Variants in GPC5 observed in about 807,000 individuals in gnomAD.
GPC5 encodes glypican-5.
Under a neutral mutation model 53.9 loss-of-function variants are expected in GPC5, and 47 were observed. The ratio of observed to expected loss-of-function variants is 0.87; its 90% CI spans 0.69 to 1.11. The LOEUF is 1.11. Among genes scored for constraint, GPC5 ranks in the 50% most tolerant of loss-of-function variants. The pLI is 0.00. For missense variants in GPC5, 748 were observed against 713.1 expected, an observed-to-expected ratio of 1.05 and a Z score of -0.56; for synonymous variants, 286 against 263.3, an observed-to-expected ratio of 1.09 and a Z score of -0.84.
At chr13:92,377,862 C>T (rs1182461494) in intron 7 of GPC5, among the ~76,000 whole-genome samples, 1 of 152,058 alleles carries the variant, frequency 6.6e-6, no homozygotes, top group Non-Finnish European at 1.5e-5. Context: ...CATATATTCA[C>T]ATGTATATGT....
At chr13:92,350,669 A>C (rs2043469273) in intron 7 of GPC5, among the ~76,000 whole-genome samples, 1 of 152,186 alleles carries the variant, frequency 6.6e-6, no homozygotes, top group Non-Finnish European at 1.5e-5. Flanking sequence ...AATTGCTAAG[A>C]GTCAATTTCG....
At chr13:91,789,432 A>G (rs912686558) in intron 5 of GPC5, among the ~76,000 whole-genome samples, 1 of 152,310 alleles carries the variant, frequency 6.6e-6, no homozygotes, top group Non-Finnish European at 1.5e-5. Context: ...TTTGTAATGT[A>G]TCAAAGTGAG....
At chr13:91,439,700 C>CCT (rs1232911084) in intron 1 of GPC5, among the ~76,000 whole-genome samples, 3 of 152,080 alleles carry the variant, frequency 2.0e-5, no homozygotes, top group African/African-American at 4.8e-5. Context: ...CCTTGATTCC[C>CCT]CTCTCTCTAT....
At chr13:91,901,662 G>T (rs2039498597) in intron 5 of GPC5, among the ~76,000 whole-genome samples, 1 of 152,000 alleles carries the variant, frequency 6.6e-6, no homozygotes, top group Non-Finnish European at 1.5e-5. Flanking sequence ...CCTAGAAATG[G>T]TTTGTATGGA....
intron 7 of GPC5, among the ~76,000 whole-genome samples, chr13:92,424,308 A>C (rs1190548340): frequency 6.6e-6 from 1 of 152,054 alleles, no homozygotes; most frequent in Admixed American, 6.6e-5. Flanking sequence ...TTTAATTAAC[A>C]TGGGTAGTAT....
intron 7 of GPC5, among the ~76,000 whole-genome samples, chr13:92,220,216 C>G (rs1421253944): frequency 6.6e-6 from 1 of 152,078 alleles, no homozygotes; most frequent in Non-Finnish European, 1.5e-5. Flanking sequence ...GCACCAGCCT[C>G]TAGTGTAGCC....
chr13:92,680,432 C>T (rs1566360761), intron 7 of GPC5, among the ~76,000 whole-genome samples: 1 of 152,062 alleles, frequency 6.6e-6, no homozygotes, highest in African/African-American at 2.4e-5. Flanking sequence ...TATAGTTATA[C>T]ATAGATGTTT....
intron 2 of GPC5, among the ~76,000 whole-genome samples, chr13:91,620,206 G>A (rs938267091): frequency 2.0e-5 from 3 of 151,934 alleles, no homozygotes; most frequent in African/African-American, 7.3e-5. Context: ...AAATCACCAT[G>A]CAACTTATTT....
chr13:92,023,737 A>G (rs1391247754), intron 6 of GPC5, among the ~76,000 whole-genome samples: 1 of 151,534 alleles, frequency 6.6e-6, no homozygotes, highest in African/African-American at 2.4e-5. Flanking sequence ...AAGTTTATTT[A>G]TCAATAGAAA....
At chr13:92,387,171 C>G (rs1017635436) in intron 7 of GPC5, among the ~76,000 whole-genome samples, 1 of 152,034 alleles carries the variant, frequency 6.6e-6, no homozygotes, top group Admixed American at 6.6e-5. Context: ...GCACTTGTAC[C>G]TCAAGTGCTC....
chr13:91,460,690 A>G (rs17735863), intron 2 of GPC5, among the ~76,000 whole-genome samples: 13,871 of 152,148 alleles, frequency 0.091, 797 homozygotes, highest in East Asian at 0.33. Flanking sequence ...AAATTATAAA[A>G]TGGCATAATA....
At chr13:91,436,635 G>T (rs1445432977) in intron 1 of GPC5, among the ~76,000 whole-genome samples, 1 of 152,068 alleles carries the variant, frequency 6.6e-6, no homozygotes, top group Non-Finnish European at 1.5e-5. Context: ...AATAAGTGCG[G>T]TGTGGTGCTG....
In GPC5 at chr13:92,494,220, G is replaced by T. The variant is rs1202754008; in HGVS notation, c.1561+349231G>T. On this transcript the variant is annotated intron_variant, in intron 7 of 7. Transcript: ENST00000377067. ...TTCTCCTGCCTCAGCCTCCCGAGTA[G>T]CTGGGACTACAGGCGCCCGCCACTA... 2.0e-5 allele frequency among the ~76,000 whole-genome samples: 3 copies of T among 151,904 alleles called. No individual in the cohort carries two copies. The South Asian group carries it at 6.2e-4, about 31-fold the overall frequency.
chr13:91,546,454 G>A (rs1305106704), intron 2 of GPC5, among the ~76,000 whole-genome samples: 1 of 152,034 alleles, frequency 6.6e-6, no homozygotes, highest in African/African-American at 2.4e-5. Context: ...TTTGCCTTCA[G>A]GAATTTTGAT....
intron 7 of GPC5, among the ~76,000 whole-genome samples, chr13:92,592,253 A>G (rs1460761277): frequency 1.3e-5 from 2 of 152,236 alleles, no homozygotes; most frequent in Non-Finnish European, 1.5e-5. Flanking sequence ...AATAGAGCCC[A>G]TAAGTACCCT....
At chr13:91,584,628 G>A (rs2032492087) in intron 2 of GPC5, among the ~76,000 whole-genome samples, 1 of 151,864 alleles carries the variant, frequency 6.6e-6, no homozygotes, top group South Asian at 2.1e-4. Flanking sequence ...GCCCAGGCTG[G>A]AGTGCAATGG....
intron 5 of GPC5, among the ~76,000 whole-genome samples, chr13:91,884,574 C>A (rs145731644): frequency 2.0e-5 from 3 of 152,130 alleles, no homozygotes; most frequent in South Asian, 2.1e-4. Flanking sequence ...ACGGGAACAA[C>A]ATTGAAAGAT....
At chr13:91,622,781 C>G (rs1454642870) in intron 2 of GPC5, among the ~76,000 whole-genome samples, 2 of 152,112 alleles carry the variant, frequency 1.3e-5, no homozygotes, top group Non-Finnish European at 2.9e-5. Flanking sequence ...GATTGAAAGA[C>G]AGCTATAGAT....
At chr13:91,623,121 A>G (rs772374615) in intron 2 of GPC5, among the ~76,000 whole-genome samples, 16 of 152,146 alleles carry the variant, frequency 1.1e-4, no homozygotes, top group Non-Finnish European at 2.1e-4. Flanking sequence ...ATCTCCATCT[A>G]TACCTAAATG....
Sources: allele counts gnomAD v4.1 joint callset (sites outside exome capture counted in the v4.1 genomes callset), GRCh38; gene constraint gnomAD v4.1.1; transcripts MANE v1.5; gene names NCBI Gene and HGNC (gene_info 2026-07-23, HGNC 2026-07-21).